SETD4: variants seen among roughly 807,000 people sequenced by gnomAD.
SETD4 encodes the protein SET domain containing 4, also known as SET domain-containing protein 4.
SETD4 carries 46 observed loss-of-function variants against 58.3 expected under a neutral mutation model. The ratio of observed to expected loss-of-function variants is 0.79; its 90% CI spans 0.62 to 1.01. SETD4 has a LOEUF of 1.01. Among genes scored for constraint, SETD4 ranks in the 50% least tolerant of loss-of-function variants. The pLI is 0.00. For synonymous variants in SETD4, 190 were observed against 202.6 expected (o/e 0.94, Z 0.53); for missense variants, 490 against 523.3 (o/e 0.94, Z 0.62).
rs887576988 is a variant in SETD4, at chr21:36,035,862, A to G, written c.*131T>C. On this transcript the variant is annotated 3_prime_UTR_variant, in exon 12 of 12. Transcript: ENST00000332131. ...GTCCACCTTCACTCACAGCCTCACA[A>G]TCCCAGAACCTGTGCTGCCCCCTGC... 8 of 486,770 alleles carry G rather than the reference A, an allele frequency of 1.6e-5. No homozygotes were observed. The highest frequency in any genetic ancestry group is 1.3e-4 in the South Asian group (6 of 45,670). 30.2% of individuals were successfully genotyped at this position (486,770 alleles called of 1,614,324 possible). A position where few individuals can be genotyped will look rare whatever the true frequency, so the allele number is the denominator to read the frequency against.
chr21:36,043,386 AAC>A (rs2064157521), intron 7 of SETD4: 3 of 815,154 alleles, frequency 3.7e-6, no homozygotes, highest in Non-Finnish European at 4.5e-6. Flanking sequence ...CTCTGTGATT[AAC>A]ACAGTGTCTT....
intron 7 of SETD4, chr21:36,043,002 C>T (rs1210993333): frequency 2.6e-4 from 40 of 152,166 alleles, no homozygotes; most frequent in Admixed American, 2.6e-3. Context: ...GTGGCTCACT[C>T]CTACAATCCT....
intron 4 of SETD4, chr21:36,050,339 T>C (rs1409923043): frequency 3.7e-6 from 6 of 1,613,398 alleles, no homozygotes; most frequent in Non-Finnish European, 5.1e-6. Context: ...AACTGGACTT[T>C]AGGGCTGTGG....
At chr21:36,042,159 G>A in intron 7 of SETD4, 2 of 239,084 alleles carry the variant, frequency 8.4e-6, no homozygotes, top group Non-Finnish European at 7.9e-6. Context: ...CCAAAAACAA[G>A]CAGGTCATTA....
intron 2 of SETD4, among the ~76,000 whole-genome samples, chr21:36,057,748 A>C (rs927739841): frequency 6.6e-6 from 1 of 152,254 alleles, no homozygotes; most frequent in African/African-American, 2.4e-5. Flanking sequence ...GATATTGTCA[A>C]AACAGACACA....
chr21:36,048,543 G>A, intron 4 of SETD4, 147 bp from the exon 5 acceptor site: 1 of 706,698 alleles, frequency 1.4e-6, no homozygotes, highest in Non-Finnish European at 2.5e-6. Flanking sequence ...TACCAATGGA[G>A]TCGCTCCCAA....
intron 3 of SETD4, among the ~76,000 whole-genome samples, chr21:36,054,915 T>C (rs1047224028): frequency 6.6e-6 from 1 of 151,374 alleles, no homozygotes; most frequent in Non-Finnish European, 1.5e-5. Flanking sequence ...CAGGTTGGAT[T>C]TGATGCTCCT....
rs1012389683 is a variant in SETD4 at position 36,049,047 on chromosome 21, G to A, written c.208-651C>T. On this transcript the variant is annotated intron_variant, in intron 4 of 11. Coordinates refer to ENST00000332131, the MANE Select transcript of SETD4 (RefSeq NM_017438.5). ...ATGGTCTGCTCTCTACATAACCCAC[G>A]CTTATGAGCTAAAGAAAGGCCAGCA... Among the ~76,000 whole-genome samples the A allele has an allele frequency of 7.9e-5, 12 of 152,206 alleles. No individual in the cohort carries two copies. The East Asian group carries it at 2.3e-3, about 29-fold the overall frequency.
chr21:36,041,193 G>A (rs1324867642), intron 8 of SETD4, among the ~76,000 whole-genome samples: 1 of 132,680 alleles, frequency 7.5e-6, no homozygotes, highest in African/African-American at 2.8e-5. Context: ...AAAAAAAAGA[G>A]CTTAACCATG....
At chr21:36,058,423 G>T (rs1480973328) in intron 2 of SETD4, among the ~76,000 whole-genome samples, 1 of 150,904 alleles carries the variant, frequency 6.6e-6, no homozygotes, top group Admixed American at 6.6e-5. Context: ...GAGGCTAAGG[G>T]AGGAGATCAC....
At chr21:36,036,722 C>A (rs2063798200) in intron 10 of SETD4, 1 of 748,144 alleles carries the variant, frequency 1.3e-6, no homozygotes, top group African/African-American at 1.9e-5. Context: ...TGAAGTCACA[C>A]AGTAACTTTT....
chr21:36,038,682 G>A (rs998024202), intron 9 of SETD4, among the ~76,000 whole-genome samples: 1 of 152,290 alleles, frequency 6.6e-6, no homozygotes, highest in African/African-American at 2.4e-5. Flanking sequence ...TCAAGTGACC[G>A]TCTGTCCAAA....
chr21:36,054,516 C>T (rs2064878492), intron 3 of SETD4, among the ~76,000 whole-genome samples: 1 of 152,244 alleles, frequency 6.6e-6, no homozygotes, highest in South Asian at 2.1e-4. Flanking sequence ...CTACTGGGAG[C>T]TCCCAGCTCA....
chr21:36,058,992 C>G, intron 1 of SETD4, 68 bp from the exon 2 acceptor site: 2 of 1,422,348 alleles, frequency 1.4e-6, no homozygotes, highest in Non-Finnish European at 9.4e-7. Flanking sequence ...AAAAACATTT[C>G]TTTGATTTAC....
intron 7 of SETD4, chr21:36,042,666 T>C (rs990549201): frequency 2.0e-5 from 3 of 152,248 alleles, no homozygotes; most frequent in African/African-American, 7.2e-5. Context: ...ATATATTTAA[T>C]AAGGCTCTTG....
chr21:36,036,142 TGCAGGGTCTCG>T lies in SETD4; in HGVS notation c.1287_1297del (p.Glu430GlnfsTer76). 6.2e-7 allele frequency: 1 copy of T among 1,614,176 alleles called. No individual in the cohort carries two copies. The highest frequency in any genetic ancestry group is 8.5e-7 in the Non-Finnish European group (1 of 1,180,030). ...TCAGGTAAAAGCTGTTTGCAAACTG[TGCAGGGTCTCG>T]GCAGATGCCCTGAGAATCTTTAGCT... On this transcript the variant is annotated frameshift_variant, in exon 11 of 12. Coordinates refer to ENST00000332131, the MANE Select transcript of SETD4 (RefSeq NM_017438.5). LOFTEE classifies it high-confidence loss of function.
intron 7 of SETD4, chr21:36,042,102 G>A (rs944588903): frequency 2.5e-5 from 9 of 357,132 alleles, no homozygotes; most frequent in African/African-American, 1.9e-4. Context: ...AAGGCTGGAG[G>A]ACTAAACACG....
At chr21:36,055,082 G>A (rs1350445667) in intron 3 of SETD4, among the ~76,000 whole-genome samples, 3 of 152,198 alleles carry the variant, frequency 2.0e-5, no homozygotes, top group African/African-American at 7.2e-5. Flanking sequence ...GTACCCCATT[G>A]TGGAGTTAAT....
At chr21:36,045,229 A>T (rs975281642) in intron 6 of SETD4, among the ~76,000 whole-genome samples, 1 of 152,344 alleles carries the variant, frequency 6.6e-6, no homozygotes, top group East Asian at 1.9e-4. Flanking sequence ...CCAGTTTAAA[A>T]GGGACGGGGC....
Sources: allele counts gnomAD v4.1 joint callset (sites outside exome capture counted in the v4.1 genomes callset), GRCh38; gene constraint gnomAD v4.1.1; transcripts MANE v1.5; gene names NCBI Gene and HGNC (gene_info 2026-07-23, HGNC 2026-07-21).